Variants in SRGAP3 observed in about 807,000 individuals in gnomAD.
SRGAP3 encodes SLIT-ROBO Rho GTPase-activating protein 3.
SRGAP3 carries 39 observed loss-of-function variants against 121.1 expected under a neutral mutation model. The observed-to-expected ratio is 0.32, with a 90% confidence interval of 0.25 to 0.42. The LOEUF is 0.42. Among genes scored for constraint, SRGAP3 ranks in the 10% least tolerant of loss-of-function variants. SRGAP3 has a pLI of 1.00. For synonymous variants in SRGAP3, 601 were observed against 570.0 expected (o/e 1.05, Z -0.77); for missense variants, 1,213 against 1,470.6 (o/e 0.82, Z 2.86).
At chr3:9,121,347 C>T (rs906668208) in intron 2 of SRGAP3, among the ~76,000 whole-genome samples, 4 of 152,222 alleles carry the variant, frequency 2.6e-5, no homozygotes, top group African/African-American at 9.6e-5. Flanking sequence ...GACAAGGCTT[C>T]TCGGAACAGC....
intron 1 of SRGAP3, among the ~76,000 whole-genome samples, chr3:9,188,273 T>C (rs1951657906): frequency 6.6e-6 from 1 of 152,226 alleles, no homozygotes; most frequent in Admixed American, 6.5e-5. Flanking sequence ...TTTCTGTTCC[T>C]AATAATACCC....
rs1415230391 is a variant in SRGAP3 at position 9,064,536 on chromosome 3, C to G, written c.532G>C (p.Glu178Gln). ...TTCTCAGCCTCCTTCAGCTTGCTTT[C>G]CGCACTGATGCTCTCTGCATGGTAC... Reference protein sequence around the residue: ...HMYHAESISAESKLKEAEKQE... With the variant: ...HMYHAESISAQSKLKEAEKQE... Residue 178 changes from glutamate (E) to glutamine (Q), a missense_variant, in exon 5 of 22, where the codon GAA becomes CAA. By Grantham distance (29) the Glu-to-Gln change is conservative (BLOSUM62 2). Coordinates refer to ENST00000383836, the MANE Select transcript of SRGAP3 (RefSeq NM_014850.4). The G allele has an allele frequency of 3.1e-6, 5 of 1,614,020 alleles. No homozygotes were observed. The African/African-American group carries it at 6.7e-5, about 22-fold the overall frequency.
chr3:9,343,017 A>G (rs1955820063), intron 1 of SRGAP3, among the ~76,000 whole-genome samples: 1 of 151,724 alleles, frequency 6.6e-6, no homozygotes, highest in African/African-American at 2.4e-5. Flanking sequence ...TTCTCACTGG[A>G]CTCCTTGTCC....
chr3:9,142,522 G>A lies in SRGAP3; in HGVS notation c.68-17605C>T, dbSNP rs112767293. Among the ~76,000 whole-genome samples, 368 of 152,292 alleles carry A rather than the reference G, an allele frequency of 2.4e-3. 1 individual carries two copies. Among genetic ancestry groups the A allele is most frequent in the South Asian group, 5.2e-3 (25 of 4,824 alleles). Reference sequence around the variant, plus strand: ...CTTTTAATGCAATGTGAAACTCTCTGCCAAGCTCATATTTCATGTCTTGGG... The same window carrying A: ...CTTTTAATGCAATGTGAAACTCTCTACCAAGCTCATATTTCATGTCTTGGG... On this transcript the variant is annotated intron_variant, in intron 1 of 21. Coordinates refer to ENST00000383836, the MANE Select transcript of SRGAP3 (RefSeq NM_014850.4).
At chr3:9,357,960 T>C (rs944498629) in intron 1 of SRGAP3, among the ~76,000 whole-genome samples, 1 of 152,056 alleles carries the variant, frequency 6.6e-6, no homozygotes, top group Non-Finnish European at 1.5e-5. Flanking sequence ...TTGCAACCTC[T>C]GCTTCCCAGG....
chr3:9,277,178 GTCT>G (rs1425819523), intron 3 of SRGAP3, among the ~76,000 whole-genome samples: 1 of 152,162 alleles, frequency 6.6e-6, no homozygotes, highest in Non-Finnish European at 1.5e-5. Flanking sequence ...CACATGCATT[GTCT>G]TCATTTAATG....
chr3:9,148,077 C>T (rs926857902), intron 1 of SRGAP3, among the ~76,000 whole-genome samples: 6 of 152,182 alleles, frequency 3.9e-5, no homozygotes, highest in Non-Finnish European at 8.8e-5. Context: ...TCCAGTTTAG[C>T]TTAAGTGTCC....
intron 5 of SRGAP3, among the ~76,000 whole-genome samples, chr3:9,062,899 T>C (rs1189355180): frequency 1.3e-5 from 2 of 152,218 alleles, no homozygotes; most frequent in African/African-American, 2.4e-5. Context: ...ATAAAATTGT[T>C]GAGTCACATG....
intron 1 of SRGAP3, among the ~76,000 whole-genome samples, chr3:9,160,039 TAAG>T (rs1560300208): frequency 6.6e-6 from 1 of 152,212 alleles, no homozygotes; most frequent in Non-Finnish European, 1.5e-5. Context: ...GTTGAGAATG[TAAG>T]CTCTGGAGCC....
In SRGAP3 at chr3:9,027,001, GA is replaced by G; in HGVS notation, c.1540-7del. 2 of 1,614,098 alleles carry G rather than the reference GA, an allele frequency of 1.2e-6. No individual in the cohort carries two copies. The highest frequency in any genetic ancestry group is 8.5e-7 in the Non-Finnish European group (1 of 1,179,994). ...GGTATAGCTTGTCCTGAATCCTTGA[GA>G]AAAGAAAAATTGTGAGTTTTATGGG... On this transcript the variant is annotated splice_polypyrimidine_tract_variant and splice_region_variant and intron_variant, in intron 12 of 21. Coordinates refer to ENST00000383836, the MANE Select transcript of SRGAP3 (RefSeq NM_014850.4).
At chr3:9,301,147 G>A (rs984467524) in intron 3 of SRGAP3, among the ~76,000 whole-genome samples, 2 of 152,076 alleles carry the variant, frequency 1.3e-5, no homozygotes, top group Admixed American at 6.6e-5. Flanking sequence ...AGCCTCTTCC[G>A]GCCCTGACTT....
chr3:9,028,895 G>A (rs1226931798), intron 12 of SRGAP3, among the ~76,000 whole-genome samples: 3 of 152,144 alleles, frequency 2.0e-5, no homozygotes, highest in Admixed American at 2.0e-4. Flanking sequence ...GGCAGAACTG[G>A]GGCCTTTACT....
In SRGAP3 at chr3:9,341,400, A is replaced by C. The variant is rs143309187; in HGVS notation, n.215-10804T>G. On this transcript the variant is annotated intron_variant and non_coding_transcript_variant, in intron 1 of 3. Coordinates refer to the SRGAP3 transcript ENST00000490889. ...AGATGCTTAAAGCACGAAGAAAAGA[A>C]TGTGTCCCTAGGGCTCAAGAGCTCA... Among the ~76,000 whole-genome samples, 121 of 152,322 alleles carry C rather than the reference A, an allele frequency of 7.9e-4. 1 individual carries two copies. Among genetic ancestry groups the C allele is most frequent in the Non-Finnish European group, 5.7e-4 (39 of 68,028 alleles).
chr3:9,137,975 G>A (rs1489761892), intron 1 of SRGAP3, among the ~76,000 whole-genome samples: 1 of 152,178 alleles, frequency 6.6e-6, no homozygotes, highest in Non-Finnish European at 1.5e-5. Flanking sequence ...GCTGCCCAAT[G>A]GTCCCTGAAG....
In SRGAP3 at chr3:9,152,610, T is replaced by G. The variant is rs574769866; in HGVS notation, c.68-27693A>C. Among the ~76,000 whole-genome samples, 8 of 152,308 alleles carry G rather than the reference T, an allele frequency of 5.3e-5. 1 individual carries two copies. The South Asian group carries it at 1.7e-3, about 32-fold the overall frequency. On this transcript the variant is annotated intron_variant, in intron 1 of 21. Coordinates refer to ENST00000383836, the MANE Select transcript of SRGAP3 (RefSeq NM_014850.4). ...GCAGAGACAAACCTGGCATAGCCCC[T>G]GAGAGACGAGCAGTGTGGCCTCCAT...
intron 21 of SRGAP3, among the ~76,000 whole-genome samples, chr3:8,988,058 AG>A (rs1470171941): frequency 6.6e-6 from 1 of 151,804 alleles, no homozygotes; most frequent in Non-Finnish European, 1.5e-5. Flanking sequence ...GCAGAAAGAC[AG>A]GAAGTTCAGA....
upstream of SRGAP3, among the ~76,000 whole-genome samples, chr3:9,250,943 ATTGG>A (rs1953999072): frequency 1.3e-5 from 2 of 152,232 alleles, no homozygotes; most frequent in Non-Finnish European, 2.9e-5. Context: ...ACTAATGTGT[ATTGG>A]CCCCTGACTG....
At chr3:9,231,058 A>G (rs1953192149) in intron 1 of SRGAP3, among the ~76,000 whole-genome samples, 1 of 152,042 alleles carries the variant, frequency 6.6e-6, no homozygotes, top group African/African-American at 2.4e-5. Context: ...ACAGCCCCCA[A>G]ATTGAATCTC....
intron 1 of SRGAP3, among the ~76,000 whole-genome samples, chr3:9,246,297 T>C (rs887632852): frequency 6.6e-6 from 1 of 152,190 alleles, no homozygotes; most frequent in Non-Finnish European, 1.5e-5. Flanking sequence ...ACTGGCCAGA[T>C]GATTCCCAGG....
Sources: gnomAD v4.1 joint callset for allele counts (sites outside exome capture counted in the v4.1 genomes callset) on GRCh38, gnomAD v4.1.1 for gene constraint, MANE v1.5 for transcripts, NCBI Gene and HGNC (gene_info 2026-07-23, HGNC 2026-07-21) for gene names.